The following CAP2 variants were observed in gnomAD, a reference collection of about 807,000 sequenced individuals.
CAP2 encodes adenylyl cyclase-associated protein 2.
Under a neutral mutation model 57.7 loss-of-function variants are expected in CAP2, and 24 were observed. That is an observed-to-expected ratio of 0.42 (90% confidence interval 0.30 to 0.58). CAP2 has a LOEUF of 0.58. CAP2 is among the 20% of genes least tolerant of loss of function. The pLI is 0.22. For synonymous variants in CAP2, 194 were observed against 207.2 expected (o/e 0.94, Z 0.55); for missense variants, 501 against 590.3 (o/e 0.85, Z 1.57).
In CAP2 at chr6:17,556,555, C is replaced by A; in HGVS notation, c.*113C>A. On this transcript the variant is annotated 3_prime_UTR_variant, in exon 13 of 13. Coordinates refer to ENST00000229922, the MANE Select transcript of CAP2 (RefSeq NM_006366.3). ...CCCCTACTGCTTTAGCTTTGGCCTC[C>A]AACGATTCTGTGCTATAGATACAGC... 1 of 763,620 alleles carries A rather than the reference C, an allele frequency of 1.3e-6. No homozygotes were observed. Among genetic ancestry groups the A allele is most frequent in the Non-Finnish European group, 2.4e-6 (1 of 424,432 alleles). 47.3% of individuals were successfully genotyped at this position (763,620 alleles called of 1,614,324 possible).
intron 7 of CAP2, chr6:17,530,809 G>T: frequency 1.7e-6 from 1 of 578,550 alleles, no homozygotes; most frequent in Non-Finnish European, 3.0e-6. Context: ...TCATTTTTTT[G>T]GTCTCCCACT....
intron 11 of CAP2, among the ~76,000 whole-genome samples, chr6:17,546,170 G>A (rs915785556): frequency 6.6e-6 from 1 of 152,158 alleles, no homozygotes; most frequent in Non-Finnish European, 1.5e-5. Context: ...CAGTGTAAAA[G>A]TGTTCCTATT....
intron 1 of CAP2, among the ~76,000 whole-genome samples, chr6:17,412,393 C>T (rs950897691): frequency 6.6e-6 from 1 of 152,078 alleles, no homozygotes; most frequent in African/African-American, 2.4e-5. Context: ...GGAATGAGTT[C>T]GTATATTGGA....
chr6:17,508,298 A>C (rs534069078), intron 6 of CAP2, among the ~76,000 whole-genome samples: 2 of 152,230 alleles, frequency 1.3e-5, no homozygotes, highest in Non-Finnish European at 2.9e-5. Context: ...CTGGTGAACC[A>C]GCGTGAAAGG....
intron 4 of CAP2, among the ~76,000 whole-genome samples, chr6:17,471,909 C>T (rs1439021069): frequency 6.6e-6 from 1 of 152,182 alleles, no homozygotes; most frequent in Non-Finnish European, 1.5e-5. Context: ...TGGTATTTCC[C>T]AGTGGTCTGG....
chr6:17,474,088 T>G (rs1761086482), intron 4 of CAP2, among the ~76,000 whole-genome samples: 2 of 151,806 alleles, frequency 1.3e-5, no homozygotes, highest in Non-Finnish European at 2.9e-5. Context: ...AAGTTTACCA[T>G]TTTCCATTTT....
chr6:17,440,292 G>T (rs959245191), intron 3 of CAP2, among the ~76,000 whole-genome samples: 1 of 151,450 alleles, frequency 6.6e-6, no homozygotes, highest in East Asian at 1.9e-4. Flanking sequence ...GGCTAATTTT[G>T]TCTGTGTATT....
At chr6:17,420,557 G>A (rs1329040024) in intron 1 of CAP2, among the ~76,000 whole-genome samples, 1 of 152,146 alleles carries the variant, frequency 6.6e-6, no homozygotes, top group Non-Finnish European at 1.5e-5. Flanking sequence ...ATTATCGGTA[G>A]GTTTAGTCTC....
At chr6:17,462,510 C>T (rs2113596851) in intron 3 of CAP2, among the ~76,000 whole-genome samples, 1 of 152,222 alleles carries the variant, frequency 6.6e-6, no homozygotes, top group East Asian at 1.9e-4. Flanking sequence ...ATTTTCACCA[C>T]CCCCAAAAGA....
intron 7 of CAP2, among the ~76,000 whole-genome samples, chr6:17,529,002 G>T (rs1394621579): frequency 1.3e-5 from 2 of 150,656 alleles, no homozygotes; most frequent in East Asian, 4.0e-4. Context: ...GATCACTTAA[G>T]CCCAGGAGTT....
intron 4 of CAP2, among the ~76,000 whole-genome samples, chr6:17,469,944 A>C (rs552180477): frequency 6.6e-6 from 1 of 152,354 alleles, no homozygotes; most frequent in South Asian, 2.1e-4. Flanking sequence ...CAGTGATCTT[A>C]GGACTTAAGC....
chr6:17,497,544 G>A (rs1320194280), intron 4 of CAP2, among the ~76,000 whole-genome samples: 1 of 152,212 alleles, frequency 6.6e-6, no homozygotes, highest in Non-Finnish European at 1.5e-5. Flanking sequence ...TCTCTCTGCA[G>A]CAATTTTGTA....
rs567675285 is a variant in CAP2 at position 17,461,992 on chromosome 6, C to CAAAAAAAAAA, written c.223-982_223-973dup. Among the ~76,000 whole-genome samples the CAAAAAAAAAA allele has an allele frequency of 7.9e-4, 22 of 27,862 alleles. 3 individuals are homozygous for CAAAAAAAAAA. Among genetic ancestry groups the CAAAAAAAAAA allele is most frequent in the Non-Finnish European group, 2.8e-3 (18 of 6,534 alleles). 18.3% of individuals were successfully genotyped at this position (27,862 alleles called of 152,430 possible). On this transcript the variant is annotated intron_variant, in intron 3 of 12. Transcript: ENST00000229922. ...TGGGCAACAGGGCGAGACTCCGTCT[C>CAAAAAAAAAA]AAAAAAAAAAAAAAAAAAAAAAAAA... is the stretch of plus-strand genomic sequence containing the variant.
chr6:17,422,072 A>G (rs1270444027), intron 2 of CAP2, among the ~76,000 whole-genome samples: 2 of 152,130 alleles, frequency 1.3e-5, no homozygotes, highest in Middle Eastern at 3.2e-3. Context: ...GAGCATATTC[A>G]TCTTTCTTTC....
At position 17,421,538 on chromosome 6, in the gene CAP2, T is replaced by C. The variant is rs758559032; in HGVS notation, c.-1-17T>C. 3 of 1,614,078 alleles carry C rather than the reference T, an allele frequency of 1.9e-6. No individual in the cohort carries two copies. The African/African-American group carries it at 4.0e-5, about 22-fold the overall frequency. On this transcript the variant is annotated splice_polypyrimidine_tract_variant and intron_variant, in intron 1 of 12. Transcript: ENST00000229922. The stretch of plus-strand genomic sequence containing the variant: ...CTGATGCTCACGCAGCCTCCATTTG[T>C]GCCTGTGCTTTTCTAGAATGGCCAA...
At chr6:17,396,200 G>A (rs879639184) in intron 1 of CAP2, among the ~76,000 whole-genome samples, 5 of 152,162 alleles carry the variant, frequency 3.3e-5, no homozygotes, top group African/African-American at 7.2e-5. Context: ...GTACACCACC[G>A]ATGGGAATAT....
Position 17,458,128 on chromosome 6 carries a change from T to G in CAP2, c.223-4868T>G, listed in dbSNP as rs9477436. Among the ~76,000 whole-genome samples the G allele has an allele frequency of 3.0e-3, 454 of 152,326 alleles. 3 individuals carry two copies. The highest frequency in any genetic ancestry group is 0.01 in the African/African-American group (422 of 41,574). On this transcript the variant is annotated intron_variant, in intron 3 of 12. Transcript: ENST00000229922. Reference sequence around the variant, plus strand: ...TGAATCACTGAAATATATGTTTTGATACAAGGAAAAATACTGCATAGCTCA... The same window carrying G: ...TGAATCACTGAAATATATGTTTTGAGACAAGGAAAAATACTGCATAGCTCA...
At chr6:17,538,997 G>A (rs974753787) in intron 7 of CAP2, among the ~76,000 whole-genome samples, 2 of 152,030 alleles carry the variant, frequency 1.3e-5, no homozygotes, top group Admixed American at 6.5e-5. Flanking sequence ...AGTATGGCTC[G>A]TTTGCCTCTG....
intron 4 of CAP2, among the ~76,000 whole-genome samples, chr6:17,473,710 T>C (rs540111589): frequency 1.3e-5 from 2 of 152,190 alleles, no homozygotes; most frequent in African/African-American, 2.4e-5. Context: ...TCTGCTGTCA[T>C]AAATTACTTA....
Sources: allele counts gnomAD v4.1 joint callset (sites outside exome capture counted in the v4.1 genomes callset), GRCh38; gene constraint gnomAD v4.1.1; transcripts MANE v1.5; gene names NCBI Gene and HGNC (gene_info 2026-07-23, HGNC 2026-07-21).